Variants in TNRC6A observed in about 807,000 individuals in gnomAD.
TNRC6A encodes trinucleotide repeat containing adaptor 6A.
In TNRC6A, 44 loss-of-function variants were observed where a neutral mutation model predicts 221.2. That is an observed-to-expected ratio of 0.20 (90% confidence interval 0.16 to 0.26). The LOEUF (loss-of-function observed/expected upper bound fraction) is 0.26. TNRC6A is among the 10% of genes least tolerant of loss of function. TNRC6A has a pLI of 1.00. For synonymous variants in TNRC6A, 847 were observed against 838.5 expected (o/e 1.01, Z -0.18); for missense variants, 2,199 against 2,404.4 (o/e 0.91, Z 1.79).
At chr16:24,768,214 G>A (rs900239472) in intron 4 of TNRC6A, among the ~76,000 whole-genome samples, 3 of 152,000 alleles carry the variant, frequency 2.0e-5, no homozygotes, top group South Asian at 4.2e-4. Context: ...GGCGGACCAC[G>A]AGGTCAGGAG....
chr16:24,662,498 A>T (rs900860536), intron 2 of TNRC6A: 1 of 152,004 alleles, frequency 6.6e-6, no homozygotes, highest in African/African-American at 2.4e-5. Flanking sequence ...AAAAACAAAA[A>T]AAAAAGGATA....
chr16:24,812,150 A>G (rs1485219638), intron 18 of TNRC6A, among the ~76,000 whole-genome samples: 1 of 144,434 alleles, frequency 6.9e-6, no homozygotes, highest in East Asian at 2.1e-4. Context: ...CTGGGATTCA[A>G]GTGGTTCTCG....
At chr16:24,740,645 A>C (rs1489985603) in intron 2 of TNRC6A, among the ~76,000 whole-genome samples, 1 of 152,160 alleles carries the variant, frequency 6.6e-6, no homozygotes, top group African/African-American at 2.4e-5. Flanking sequence ...GTTTTTTAAA[A>C]ATTGTGAAAC....
intron 2 of TNRC6A, among the ~76,000 whole-genome samples, chr16:24,696,657 A>AGGTCAAGG (rs1345877151): frequency 6.9e-6 from 1 of 144,184 alleles, no homozygotes; most frequent in Non-Finnish European, 1.5e-5. Context: ...TGAGACTAGG[A>AGGTCAAGG]GGTCAAGGCT....
At chr16:24,725,473 G>A (rs1040507014), upstream of TNRC6A, among the ~76,000 whole-genome samples, 6 of 151,848 alleles carry the variant, frequency 4.0e-5, no homozygotes, top group African/African-American at 9.7e-5. Context: ...GTTTCCCTCC[G>A]CACTGATAAC....
At position 24,714,302 on chromosome 16, in the gene TNRC6A, C is replaced by CTTTTTTTTTT. The variant is rs60469088; in HGVS notation, n.403-36409_403-36400dup. 2.4e-4 allele frequency among the ~76,000 whole-genome samples: 17 copies of CTTTTTTTTTT among 71,272 alleles called. 1 individual carries two copies. The highest frequency in any genetic ancestry group is 4.3e-4 in the Admixed American group (2 of 4,690). The allele number at this position is 71,272 out of a possible 152,430, so 46.8% of individuals were successfully genotyped here. On this transcript the variant is annotated intron_variant and non_coding_transcript_variant, in intron 2 of 2. Transcript: ENST00000566108. ...CTGCAGTGCCTGATTTGCTGTTAAT[C>CTTTTTTTTTT]TTTTTTTTTTTTTTTTTTTTTTTTG...
At chr16:24,772,901 T>C (rs2057641727) in intron 4 of TNRC6A, among the ~76,000 whole-genome samples, 2 of 152,246 alleles carry the variant, frequency 1.3e-5, no homozygotes, top group Non-Finnish European at 2.9e-5. Context: ...CTAATCTGTT[T>C]AGATTTCCTG....
intron 2 of TNRC6A, among the ~76,000 whole-genome samples, chr16:24,745,361 G>A (rs1027800884): frequency 9.9e-5 from 15 of 152,152 alleles, no homozygotes; most frequent in African/African-American, 3.6e-4. Context: ...ATTTAGGTAG[G>A]AGGATAAAAA....
intron 3 of TNRC6A, among the ~76,000 whole-genome samples, chr16:24,751,581 G>A (rs1169615570): frequency 1.3e-5 from 2 of 151,826 alleles, no homozygotes; most frequent in Non-Finnish European, 2.9e-5. Context: ...TAGCTAAATG[G>A]GCACTCATCT....
chr16:24,691,567 G>A (rs1377883754), intron 2 of TNRC6A, among the ~76,000 whole-genome samples: 2 of 152,016 alleles, frequency 1.3e-5, no homozygotes, highest in African/African-American at 2.4e-5. Flanking sequence ...CCAGGAGTTC[G>A]AGAACAGCCT....
intron 1 of TNRC6A, among the ~76,000 whole-genome samples, chr16:24,635,154 T>C (rs953803514): frequency 1.1e-4 from 17 of 150,486 alleles, no homozygotes; most frequent in Non-Finnish European, 1.5e-5. Context: ...TCTTTCCTTC[T>C]TTCCTTCCTT....
At chr16:24,688,266 G>A (rs1041891361) in intron 2 of TNRC6A, among the ~76,000 whole-genome samples, 3 of 151,992 alleles carry the variant, frequency 2.0e-5, no homozygotes, top group African/African-American at 7.2e-5. Context: ...TTAGCTAGTA[G>A]GTGAAACCCT....
At chr16:24,800,918 C>A (rs972141469) in intron 11 of TNRC6A, among the ~76,000 whole-genome samples, 7 of 152,176 alleles carry the variant, frequency 4.6e-5, no homozygotes, top group Admixed American at 4.6e-4. Context: ...TCTGACAAAG[C>A]CTCAGTACCA....
intron 5 of TNRC6A, among the ~76,000 whole-genome samples, chr16:24,781,506 A>G (rs1012142194): frequency 6.6e-6 from 1 of 152,042 alleles, no homozygotes; most frequent in East Asian, 1.9e-4. Flanking sequence ...AAATAACTCT[A>G]TTGCTGAAGT....
chr16:24,701,990 A>T (rs1457905182), intron 2 of TNRC6A, among the ~76,000 whole-genome samples: 1 of 151,436 alleles, frequency 6.6e-6, no homozygotes, highest in African/African-American at 2.4e-5. Flanking sequence ...AAACAAAAAC[A>T]AAAAAAACAC....
chr16:24,771,125 AT>A (rs1251092117), intron 4 of TNRC6A, among the ~76,000 whole-genome samples: 1 of 152,260 alleles, frequency 6.6e-6, no homozygotes, highest in East Asian at 1.9e-4. Context: ...TAATTTTGTT[AT>A]GGAAAATAGA....
intron 2 of TNRC6A, among the ~76,000 whole-genome samples, chr16:24,643,086 TA>T (rs1902056526): frequency 7.3e-6 from 1 of 136,928 alleles, no homozygotes; most frequent in African/African-American, 2.7e-5. Flanking sequence ...ATATTATATA[TA>T]TATATTTTAT....
intron 2 of TNRC6A, among the ~76,000 whole-genome samples, chr16:24,659,922 T>C (rs2054993553): frequency 6.6e-6 from 1 of 152,240 alleles, no homozygotes; most frequent in Non-Finnish European, 1.5e-5. Flanking sequence ...AAGTCGGCCT[T>C]ATTAAATATA....
At chr16:24,635,637 A>T (rs1304661038) in intron 1 of TNRC6A, among the ~76,000 whole-genome samples, 1 of 152,188 alleles carries the variant, frequency 6.6e-6, no homozygotes, top group Non-Finnish European at 1.5e-5. Flanking sequence ...AGCACCCATC[A>T]TAGACATCAC....
Sources: allele counts gnomAD v4.1 joint callset (sites outside exome capture counted in the v4.1 genomes callset), GRCh38; gene constraint gnomAD v4.1.1; transcripts MANE v1.5; gene names NCBI Gene and HGNC (gene_info 2026-07-23, HGNC 2026-07-21).